CNTNAP5: variants seen among roughly 807,000 people sequenced by gnomAD.
CNTNAP5 encodes contactin-associated protein-like 5.
In CNTNAP5, 72 loss-of-function variants were observed where a neutral mutation model predicts 150.2. The ratio of observed to expected loss-of-function variants is 0.48; its 90% CI spans 0.40 to 0.58. The LOEUF (loss-of-function observed/expected upper bound fraction) is 0.58. CNTNAP5 is among the 20% of genes least tolerant of loss of function. The pLI is 0.00. For missense variants in CNTNAP5, 1,636 were observed against 1,626.2 expected, an observed-to-expected ratio of 1.01 and a Z score of -0.10; for synonymous variants, 672 against 619.8, an observed-to-expected ratio of 1.08 and a Z score of -1.25.
chr2:124,469,583 A>G (rs1693455239), intron 6 of CNTNAP5, among the ~76,000 whole-genome samples: 1 of 150,256 alleles, frequency 6.7e-6, no homozygotes. Flanking sequence ...TTTAAATTTT[A>G]TGTTAAGTTC....
At chr2:124,575,077 A>G (rs1342868541) in intron 11 of CNTNAP5, among the ~76,000 whole-genome samples, 3 of 152,090 alleles carry the variant, frequency 2.0e-5, no homozygotes, top group Non-Finnish European at 4.4e-5. Context: ...TTTTTTTCCC[A>G]CTGCAACCTT....
At chr2:124,543,471 A>G (rs1204973795) in intron 10 of CNTNAP5, among the ~76,000 whole-genome samples, 6 of 152,128 alleles carry the variant, frequency 3.9e-5, no homozygotes, top group African/African-American at 1.4e-4. Flanking sequence ...CTACAGGCTG[A>G]GTAGTGAACG....
intron 1 of CNTNAP5, among the ~76,000 whole-genome samples, chr2:124,210,941 TTATA>T (rs1685993794): frequency 6.6e-6 from 1 of 152,170 alleles, no homozygotes; most frequent in Non-Finnish European, 1.5e-5. Flanking sequence ...CCTTGAAAAG[TTATA>T]TGAGGTCCAT....
chr2:124,257,592 A>G (rs898999545), intron 3 of CNTNAP5, among the ~76,000 whole-genome samples: 1 of 152,166 alleles, frequency 6.6e-6, no homozygotes, highest in African/African-American at 2.4e-5. Context: ...CCAGGTCTAC[A>G]ACAACACTTC....
At chr2:124,674,546 T>TCTTTCTTTCTTTCTTCCTTTCTTC (rs755126208) in intron 13 of CNTNAP5, among the ~76,000 whole-genome samples, 2 of 130,296 alleles carry the variant, frequency 1.5e-5, no homozygotes, top group African/African-American at 6.0e-5. Flanking sequence ...TTTCTTTCTT[T>TCTTTCTTTCTTTCTTCCTTTCTTC]CTTTCTTCCT....
At chr2:124,311,554 C>T (rs72964633) in intron 3 of CNTNAP5, among the ~76,000 whole-genome samples, 16,634 of 152,180 alleles carry the variant, frequency 0.11, 1,048 homozygotes, top group African/African-American at 0.16. Flanking sequence ...CCTAAAAGTC[C>T]TTTCTCCAAA....
At chr2:124,620,238 A>G (rs1050505583) in intron 12 of CNTNAP5, among the ~76,000 whole-genome samples, 2 of 152,062 alleles carry the variant, frequency 1.3e-5, no homozygotes, top group South Asian at 2.1e-4. Flanking sequence ...ACTAATTTCT[A>G]TCTTTCCCGT....
At chr2:124,298,449 C>G (rs1688494443) in intron 3 of CNTNAP5, among the ~76,000 whole-genome samples, 1 of 152,168 alleles carries the variant, frequency 6.6e-6, no homozygotes, top group South Asian at 2.1e-4. Context: ...TATATACCTT[C>G]TAAGCTATAT....
At chr2:124,412,816 A>G (rs1382095519) in intron 3 of CNTNAP5, among the ~76,000 whole-genome samples, 15 of 96,516 alleles carry the variant, frequency 1.6e-4, no homozygotes, top group South Asian at 8.8e-4. Context: ...GGACATAGGC[A>G]TGGGCAAGGA....
chr2:124,356,904 C>G lies in CNTNAP5; in HGVS notation c.382-60539C>G, dbSNP rs553553336. Among the ~76,000 whole-genome samples the G allele has an allele frequency of 1.4e-3, 218 of 151,894 alleles. 2 individuals carry two copies. The East Asian group carries it at 0.037, about 26-fold the overall frequency. The stretch of plus-strand genomic sequence containing the variant: ...CACACTGACTTCCACAATGGTTGAA[C>G]TAGTTTACAGTCCCACCAACAGTGT... On this transcript the variant is annotated intron_variant, in intron 3 of 23. Coordinates refer to ENST00000682447, the MANE Select transcript of CNTNAP5 (RefSeq NM_001367498.1).
chr2:124,474,456 TC>T (rs1167563471), intron 6 of CNTNAP5, among the ~76,000 whole-genome samples: 1 of 152,064 alleles, frequency 6.6e-6, no homozygotes, highest in Non-Finnish European at 1.5e-5. Flanking sequence ...TTTTTCTTTT[TC>T]CCTCCTTCTG....
chr2:124,142,497 G>A (rs1454480819), intron 1 of CNTNAP5, among the ~76,000 whole-genome samples: 9 of 146,416 alleles, frequency 6.1e-5, no homozygotes, highest in African/African-American at 1.5e-4. Context: ...ACTCAAAGCC[G>A]CTCAACTACA....
intron 12 of CNTNAP5, among the ~76,000 whole-genome samples, chr2:124,627,510 C>A (rs1246441994): frequency 3.1e-5 from 4 of 127,700 alleles, no homozygotes; most frequent in Non-Finnish European, 5.3e-5. Context: ...AAACAGAAAG[C>A]AACAACAACA....
At chr2:124,027,807 AATGATCATT>A (rs1164644703) in intron 1 of CNTNAP5, among the ~76,000 whole-genome samples, 1 of 152,208 alleles carries the variant, frequency 6.6e-6, no homozygotes, top group Non-Finnish European at 1.5e-5. Context: ...AATAATTATT[AATGATCATT>A]ATGCTGTACA....
chr2:124,389,587 C>T (rs1691057116), intron 3 of CNTNAP5, among the ~76,000 whole-genome samples: 1 of 152,126 alleles, frequency 6.6e-6, no homozygotes, highest in South Asian at 2.1e-4. Flanking sequence ...TGCTTTGACA[C>T]AATAAACAAG....
chr2:124,515,044 C>T (rs532014156), intron 8 of CNTNAP5, among the ~76,000 whole-genome samples: 158 of 152,312 alleles, frequency 1.0e-3, no homozygotes, highest in Middle Eastern at 3.4e-3. Context: ...CAGACCCTAG[C>T]GGATGGCAAA....
intron 21 of CNTNAP5, among the ~76,000 whole-genome samples, chr2:124,885,280 C>T (rs1324412378): frequency 1.3e-5 from 2 of 151,850 alleles, no homozygotes; most frequent in Admixed American, 6.6e-5. Context: ...GGATAATTTC[C>T]CTTACTTAAA....
intron 1 of CNTNAP5, among the ~76,000 whole-genome samples, chr2:124,150,973 A>G (rs1293987535): frequency 6.6e-6 from 1 of 152,224 alleles, no homozygotes; most frequent in Admixed American, 6.5e-5. Flanking sequence ...TTTAACACCT[A>G]CTACATATCT....
intron 10 of CNTNAP5, among the ~76,000 whole-genome samples, chr2:124,530,086 C>T (rs1695068701): frequency 6.6e-6 from 1 of 152,132 alleles, no homozygotes; most frequent in South Asian, 2.1e-4. Flanking sequence ...CCAAGGAAGG[C>T]AGATTAACTG....
Sources: allele counts gnomAD v4.1 joint callset (sites outside exome capture counted in the v4.1 genomes callset), GRCh38; gene constraint gnomAD v4.1.1; transcripts MANE v1.5; gene names NCBI Gene and HGNC (gene_info 2026-07-23, HGNC 2026-07-21).